Variants in PDE12 observed in about 807,000 individuals in gnomAD.
PDE12 encodes 2',5'-phosphodiesterase 12.
PDE12 carries 26 observed loss-of-function variants against 45.4 expected under a neutral mutation model. The observed-to-expected ratio is 0.57, with a 90% confidence interval of 0.42 to 0.79. PDE12 has a LOEUF of 0.79. Among genes scored for constraint, PDE12 ranks in the 30% least tolerant of loss-of-function variants. PDE12 has a pLI of 0.00. For missense variants in PDE12, 668 were observed against 790.0 expected (o/e 0.85, Z 1.85); for synonymous variants, 283 against 323.9 (o/e 0.87, Z 1.36).
the PDE12 span, among the ~76,000 whole-genome samples, chr3:57,604,094 T>C: frequency 6.6e-6 from 1 of 151,960 alleles, no homozygotes; most frequent in South Asian, 2.1e-4. Context: ...TGGCTAATTT[T>C]TGTATTTTTA....
At chr3:57,575,808 T>G in the PDE12 span, 7 of 985,720 alleles carry the variant, frequency 7.1e-6, no homozygotes, top group Non-Finnish European at 9.9e-6. Context: ...AAGTTCACTC[T>G]TACAACTGAA....
At chr3:57,579,003 TG>T in the PDE12 span, among the ~76,000 whole-genome samples, 1 of 152,096 alleles carries the variant, frequency 6.6e-6, no homozygotes, top group Non-Finnish European at 1.5e-5. Flanking sequence ...TACTGATTTA[TG>T]TAAGTAACGA....
At chr3:57,654,590 T>G in the PDE12 span, 1 of 969,118 alleles carries the variant, frequency 1.0e-6, no homozygotes, top group African/African-American at 1.8e-5. Flanking sequence ...TGTCCCTGAC[T>G]CTAAGGCAAG....
chr3:57,625,432 G>A, the PDE12 span: 1 of 152,530 alleles, frequency 6.6e-6, no homozygotes, highest in Non-Finnish European at 1.5e-5. Flanking sequence ...ACCCCATTCA[G>A]AAATAACACA....
the PDE12 span, chr3:57,597,375 C>G: frequency 4.9e-6 from 2 of 407,816 alleles, no homozygotes; most frequent in East Asian, 4.6e-5. Context: ...AGCCTTTAGG[C>G]TCTGGCTGTG....
chr3:57,656,437 A>G, the PDE12 span, among the ~76,000 whole-genome samples: 1 of 152,158 alleles, frequency 6.6e-6, no homozygotes, highest in Non-Finnish European at 1.5e-5. Context: ...GTTGATGGAT[A>G]CTTCGGTTGT....
the PDE12 span, among the ~76,000 whole-genome samples, chr3:57,575,239 T>G: frequency 1.3e-5 from 2 of 151,178 alleles, no homozygotes; most frequent in African/African-American, 4.9e-5. Context: ...TAGGGTTACT[T>G]AAAAGATACA....
the PDE12 span, among the ~76,000 whole-genome samples, chr3:57,637,297 A>G: frequency 5.3e-5 from 8 of 152,248 alleles, no homozygotes; most frequent in African/African-American, 1.9e-4. Flanking sequence ...TAGCTCTGTC[A>G]TAACTAGACA....
the PDE12 span, chr3:57,584,055 T>C: frequency 7.1e-6 from 9 of 1,267,868 alleles, no homozygotes; most frequent in South Asian, 1.0e-4. Flanking sequence ...ATTAAGAAAA[T>C]AAAACCTTTT....
At chr3:57,589,736 C>T in the PDE12 span, among the ~76,000 whole-genome samples, 2 of 150,226 alleles carry the variant, frequency 1.3e-5, no homozygotes, top group East Asian at 4.0e-4. Context: ...AAACAAAAAA[C>T]CCAAAAAAAC....
At chr3:57,628,796 G>A in the PDE12 span, 3 of 1,606,400 alleles carry the variant, frequency 1.9e-6, 1 homozygote, top group South Asian at 3.4e-5. Flanking sequence ...ATCTTTGGCT[G>A]TTTTGGCTAC....
the PDE12 span, among the ~76,000 whole-genome samples, chr3:57,621,830 G>C: frequency 2.6e-5 from 4 of 151,838 alleles, no homozygotes; most frequent in Admixed American, 2.0e-4. Flanking sequence ...AACTAGGGGT[G>C]GGGGGATCTT....
At chr3:57,557,881 C>A (rs2069684160) in intron 1 of PDE12, among the ~76,000 whole-genome samples, 194 bp downstream of exon 1, 1 of 152,174 alleles carries the variant, frequency 6.6e-6, no homozygotes, top group East Asian at 1.9e-4. Context: ...TCTGGTGTGC[C>A]TGCCATACTG....
chr3:57,634,717 C>T, the PDE12 span: 20 of 1,565,358 alleles, frequency 1.3e-5, no homozygotes, highest in Non-Finnish European at 1.7e-5. Flanking sequence ...GTTTGGAATC[C>T]AGAGTCTTTA....
the PDE12 span, among the ~76,000 whole-genome samples, chr3:57,610,246 G>A: frequency 5.3e-4 from 81 of 152,218 alleles, no homozygotes; most frequent in Admixed American, 8.5e-4. Flanking sequence ...AAAATAATCA[G>A]AGCTATTTAT....
At chr3:57,606,668 CTATAA>C in the PDE12 span, among the ~76,000 whole-genome samples, 2 of 151,850 alleles carry the variant, frequency 1.3e-5, no homozygotes, top group Non-Finnish European at 2.9e-5. Context: ...AATTTATGAA[CTATAA>C]TATAAAGACT....
chr3:57,613,208 T>G, the PDE12 span, among the ~76,000 whole-genome samples: 1 of 150,996 alleles, frequency 6.6e-6, no homozygotes, highest in Non-Finnish European at 1.5e-5. Context: ...CTCAAACTCC[T>G]GAGCTCAGGC....
At chr3:57,628,084 ACC>A in the PDE12 span, 1 of 1,315,904 alleles carries the variant, frequency 7.6e-7, no homozygotes, top group South Asian at 1.4e-5. Context: ...CAGTCTTTCT[ACC>A]CTGTAACTAG....
the PDE12 span, chr3:57,628,672 T>A: frequency 1.2e-6 from 1 of 834,592 alleles, no homozygotes. Context: ...TTCAGCAGTA[T>A]CTACCATCAA....
Sources: allele counts gnomAD v4.1 joint callset (sites outside exome capture counted in the v4.1 genomes callset), GRCh38; gene constraint gnomAD v4.1.1; transcripts MANE v1.5; gene names NCBI Gene and HGNC (gene_info 2026-07-23, HGNC 2026-07-21).